The following PTPRD variants were observed in gnomAD, a reference collection of about 807,000 sequenced individuals.
PTPRD encodes the protein protein tyrosine phosphatase receptor type D, also known as receptor-type tyrosine-protein phosphatase delta.
In PTPRD, 34 loss-of-function variants were observed where a neutral mutation model predicts 214.5. That is an observed-to-expected ratio of 0.16 (90% CI 0.12 to 0.21). The LOEUF (loss-of-function observed/expected upper bound fraction) is 0.21, where lower values mean the gene tolerates loss of function less well. Among genes scored for constraint, PTPRD ranks in the 10% least tolerant of loss-of-function variants. The pLI is 1.00. For synonymous variants in PTPRD, 1,128 were observed against 845.7 expected, an observed-to-expected ratio of 1.33 and a Z score of -5.79; for missense variants, 2,545 against 2,398.7, an observed-to-expected ratio of 1.06 and a Z score of -1.27.
intron 3 of PTPRD, among the ~76,000 whole-genome samples, chr9:10,251,321 C>A (rs1011398506): frequency 1.3e-5 from 2 of 151,962 alleles, no homozygotes; most frequent in Non-Finnish European, 2.9e-5. Flanking sequence ...CTACCTTTCA[C>A]AGATAAAAAT....
intron 4 of PTPRD, among the ~76,000 whole-genome samples, chr9:9,969,567 A>T (rs1225749834): frequency 6.6e-6 from 1 of 152,222 alleles, no homozygotes; most frequent in East Asian, 1.9e-4. Flanking sequence ...TCTCAGTCTA[A>T]TTCAGTGTGA....
chr9:10,078,769 T>C (rs745605264), intron 3 of PTPRD, among the ~76,000 whole-genome samples: 3 of 152,118 alleles, frequency 2.0e-5, no homozygotes, highest in Non-Finnish European at 4.4e-5. Flanking sequence ...TGTTTCCTAT[T>C]CTTTCTTCTG....
Position 9,612,693 on chromosome 9 carries a change from T to C in PTPRD, c.-286-37912A>G, listed in dbSNP as rs1004797476. Among the ~76,000 whole-genome samples, 4 of 151,700 alleles carry C rather than the reference T, an allele frequency of 2.6e-5. No individual in the cohort carries two copies. In the East Asian group the frequency reaches 7.7e-4, roughly 29 times the overall value. ...TACAATCTTTGAAAAAAAAGGAATA[T>C]AAGAAAAACAAATTTGAGAGCCAAA... is the stretch of plus-strand genomic sequence containing the variant. On this transcript the variant is annotated intron_variant, in intron 7 of 45. Transcript: ENST00000381196.
intron 44 of PTPRD, among the ~76,000 whole-genome samples, chr9:8,328,994 AGTTT>A (rs1314365835): frequency 6.6e-6 from 1 of 151,868 alleles, no homozygotes; most frequent in African/African-American, 2.4e-5. Flanking sequence ...AGCTCGGAGG[AGTTT>A]GTTATTACCC....
At chr9:9,089,327 G>T (rs1468525758) in intron 10 of PTPRD, among the ~76,000 whole-genome samples, 1 of 152,318 alleles carries the variant, frequency 6.6e-6, no homozygotes, top group African/African-American at 2.4e-5. Context: ...AAAACAGGCA[G>T]TGGGCCAGAT....
At chr9:10,016,170 T>C (rs1412468783) in intron 4 of PTPRD, among the ~76,000 whole-genome samples, 3 of 152,174 alleles carry the variant, frequency 2.0e-5, no homozygotes, top group African/African-American at 4.8e-5. Context: ...GGTTTGTATA[T>C]GTACATTTGT....
intron 14 of PTPRD, among the ~76,000 whole-genome samples, chr9:8,568,572 A>C (rs1006329460): frequency 6.6e-6 from 1 of 152,172 alleles, no homozygotes; most frequent in Non-Finnish European, 1.5e-5. Context: ...CACCAGACTC[A>C]TTCTCAGCTT....
intron 20 of PTPRD, among the ~76,000 whole-genome samples, chr9:8,519,724 C>T (rs2097853335): frequency 1.3e-5 from 2 of 152,050 alleles, no homozygotes; most frequent in Admixed American, 1.3e-4. Context: ...TCAACCTGTT[C>T]TTTTGTTTTG....
rs538596499 is a variant in PTPRD, at chr9:8,468,028, T to A, written c.3505-2353A>T. Reference sequence around the variant, plus strand: ...ACCTTGGTTTTATTCATACTGCAGATGTAGTTAATAGTCGCAATTCATCCA... The same window carrying A: ...ACCTTGGTTTTATTCATACTGCAGAAGTAGTTAATAGTCGCAATTCATCCA... On this transcript the variant is annotated intron_variant, in intron 31 of 45. Transcript: ENST00000381196. Among the ~76,000 whole-genome samples the A allele has an allele frequency of 8.5e-5, 13 of 152,154 alleles. No individual in the cohort carries two copies. In the South Asian group the frequency reaches 2.7e-3, roughly 32 times the overall value.
intron 10 of PTPRD, among the ~76,000 whole-genome samples, chr9:9,131,892 G>C (rs1250315300): frequency 2.0e-5 from 3 of 152,014 alleles, no homozygotes; most frequent in South Asian, 2.1e-4. Flanking sequence ...AGTGAAATAA[G>C]GCTTTTCATG....
chr9:10,109,115 A>G (rs892440838), intron 3 of PTPRD, among the ~76,000 whole-genome samples: 1 of 152,202 alleles, frequency 6.6e-6, no homozygotes, highest in Non-Finnish European at 1.5e-5. Context: ...CATATTTTTA[A>G]GTAGTCAGCA....
At chr9:10,156,473 A>G (rs2099094167) in intron 3 of PTPRD, among the ~76,000 whole-genome samples, 1 of 151,944 alleles carries the variant, frequency 6.6e-6, no homozygotes, top group Non-Finnish European at 1.5e-5. Context: ...TTGATTTCTA[A>G]TTTTATTGTG....
At chr9:9,952,047 T>C (rs2093501945) in intron 4 of PTPRD, among the ~76,000 whole-genome samples, 1 of 151,992 alleles carries the variant, frequency 6.6e-6, no homozygotes, top group Non-Finnish European at 1.5e-5. Flanking sequence ...TTTGGCAAAG[T>C]ATTGAGGAGG....
chr9:8,564,426 C>T (rs911891222), intron 14 of PTPRD, among the ~76,000 whole-genome samples: 10 of 152,098 alleles, frequency 6.6e-5, no homozygotes, highest in Non-Finnish European at 8.8e-5. Flanking sequence ...AGGCCGGGCA[C>T]GGTAGCTCAC....
At chr9:9,012,815 G>A (rs936698989) in intron 11 of PTPRD, among the ~76,000 whole-genome samples, 9 of 152,054 alleles carry the variant, frequency 5.9e-5, no homozygotes, top group African/African-American at 2.2e-4. Context: ...GTAACATCAG[G>A]CAGAGATAAA....
intron 31 of PTPRD, 68 bp from the exon 32 acceptor site, chr9:8,465,743 G>A: frequency 7.3e-7 from 1 of 1,360,774 alleles, no homozygotes; most frequent in Non-Finnish European, 1.0e-6. Context: ...ATAATTTAAT[G>A]AGATAAATTA....
At chr9:8,524,682 T>C (rs1034447464) in intron 18 of PTPRD, 12 of 591,088 alleles carry the variant, frequency 2.0e-5, no homozygotes, top group Non-Finnish European at 3.0e-5. Context: ...GAAACCAAGA[T>C]GTAAAAATGC....
chr9:9,068,164 A>G (rs1390968788), intron 10 of PTPRD, among the ~76,000 whole-genome samples: 1 of 151,764 alleles, frequency 6.6e-6, no homozygotes, highest in African/African-American at 2.4e-5. Flanking sequence ...CAAATTGTTG[A>G]GTGTATTGAT....
chr9:10,166,082 AATAC>A (rs946465732), intron 3 of PTPRD, among the ~76,000 whole-genome samples: 8 of 150,234 alleles, frequency 5.3e-5, no homozygotes, highest in African/African-American at 1.9e-4. Flanking sequence ...ATAATATATA[AATAC>A]ATAAACCTGT....
Sources: allele counts gnomAD v4.1 joint callset (sites outside exome capture counted in the v4.1 genomes callset), GRCh38; gene constraint gnomAD v4.1.1; transcripts MANE v1.5; gene names NCBI Gene and HGNC (gene_info 2026-07-23, HGNC 2026-07-21).